EQTN: variants seen among roughly 807,000 people sequenced by gnomAD.
EQTN encodes the protein Acrosome formation associated factor.
EQTN carries 29 observed loss-of-function variants against 26.9 expected under a neutral mutation model. The observed-to-expected ratio is 1.08, with a 90% CI of 0.80 to 1.47. The LOEUF (loss-of-function observed/expected upper bound fraction) is 1.47. Ranked by LOEUF, EQTN falls within the 40% of genes most tolerant of loss-of-function variation. The probability of loss-of-function intolerance (pLI) is 0.00; values close to 1 mark genes in which losing one functional copy is unlikely to be tolerated. For missense variants in EQTN, 391 were observed against 346.1 expected, an observed-to-expected ratio of 1.13 and a Z score of -1.03; for synonymous variants, 129 against 120.0, an observed-to-expected ratio of 1.07 and a Z score of -0.49.
In EQTN at chr9:27,289,703, A is replaced by G. The variant is rs367578113; in HGVS notation, c.450T>C (p.Asp150=). The change falls in exon 6 of 8, where the codon GAT becomes GAC. Residue 150 remains aspartate, a synonymous_variant. Transcript: ENST00000380032. ...KAINGTAVVM[D]DKDQLFHPIP... ...TTGGGTGAAATAATTGATCTTTATC[A>G]TCCATGACCACTGCTGTTCCATTTA... is the stretch of plus-strand genomic sequence containing the variant. 2.5e-6 allele frequency: 4 copies of G among 1,608,084 alleles called. No homozygotes were observed. Among genetic ancestry groups the G allele is most frequent in the Non-Finnish European group, 3.4e-6 (4 of 1,177,066 alleles).
Position 27,296,965 on chromosome 9 carries a change from T to C in EQTN, c.76+15A>G. On this transcript the variant is annotated intron_variant, in intron 1 of 7. Transcript: ENST00000380032. ...TTACCTACTATTTTTATAAAAGTTTTAAATGCTCTCTCACCTTCAATAGTA... is the reference window on the plus strand; with the variant it reads ...TTACCTACTATTTTTATAAAAGTTTCAAATGCTCTCTCACCTTCAATAGTA... 1 of 1,608,320 alleles carries C rather than the reference T, an allele frequency of 6.2e-7. No individual in the cohort carries two copies. The highest frequency in any genetic ancestry group is 1.3e-5 in the African/African-American group (1 of 74,530).
chr9:27,295,757 G>T (rs369640330), intron 2 of EQTN, among the ~76,000 whole-genome samples: 1 of 150,552 alleles, frequency 6.6e-6, no homozygotes, highest in Non-Finnish European at 1.5e-5. Flanking sequence ...GTGTGAACCC[G>T]GGAGGCGGAA....
Position 27,286,262 on chromosome 9 carries a change from A to G in EQTN, c.582T>C (p.Phe194=), listed in dbSNP as rs1820119760. ...LGISLMTLLL[F]VVLLAFCSAT... ...CACTACAGAATGCCAAGAGGACCACAAAGAGGAGGAGGGTCATCAACGAGA... is the reference window on the plus strand; with the variant it reads ...CACTACAGAATGCCAAGAGGACCACGAAGAGGAGGAGGGTCATCAACGAGA... The change falls in exon 7 of 8, where the codon TTT becomes TTC. Residue 194 remains phenylalanine (F), a synonymous_variant. Coordinates refer to ENST00000380032, the MANE Select transcript of EQTN (RefSeq NM_020641.3). 1 of 1,613,794 alleles carries G rather than the reference A, an allele frequency of 6.2e-7. No individual in the cohort carries two copies. Among genetic ancestry groups the G allele is most frequent in the Non-Finnish European group, 8.5e-7 (1 of 1,179,966 alleles).
intron 2 of EQTN, among the ~76,000 whole-genome samples, chr9:27,294,926 A>G (rs1047179020): frequency 1.3e-5 from 2 of 152,190 alleles, no homozygotes; most frequent in African/African-American, 4.8e-5. Context: ...TTCAAAACTA[A>G]TGTATATATT....
chr9:27,285,023 T>C (rs1563830034), intron 7 of EQTN, 51 bp from the exon 8 acceptor site: 1 of 1,523,432 alleles, frequency 6.6e-7, no homozygotes, highest in Non-Finnish European at 8.9e-7. Context: ...TGTGTACATT[T>C]GTAACTCAGC....
Position 27,285,160 on chromosome 9 carries a change from T to G in EQTN, c.636-188A>C, listed in dbSNP as rs1489234736. Among the ~76,000 whole-genome samples, 3 of 105,178 alleles carry G rather than the reference T, an allele frequency of 2.9e-5. 1 individual carries two copies. Among genetic ancestry groups the G allele is most frequent in the Non-Finnish European group, 5.6e-5 (3 of 53,566 alleles). The allele number at this position is 105,178 out of a possible 152,430, so 69.0% of individuals were successfully genotyped here. On this transcript the variant is annotated intron_variant, in intron 7 of 7. Transcript: ENST00000380032. Reference sequence around the variant, plus strand: ...TTTTTTTTTTTTTTTTTTTTTTTTTTTTGAGACAGAATCTCACTCTATCTC... The same window carrying G: ...TTTTTTTTTTTTTTTTTTTTTTTTTGTTGAGACAGAATCTCACTCTATCTC...
At chr9:27,287,567 C>A (rs1376828697) in intron 6 of EQTN, among the ~76,000 whole-genome samples, 1 of 152,166 alleles carries the variant, frequency 6.6e-6, no homozygotes, top group African/African-American at 2.4e-5. Context: ...GTTTTCTCAA[C>A]TGTAAAATGA....
At chr9:27,292,839 T>C (rs1820265399) in intron 3 of EQTN, among the ~76,000 whole-genome samples, 1 of 152,310 alleles carries the variant, frequency 6.6e-6, no homozygotes. Context: ...AATGATCCTC[T>C]TTGTCCAGAG....
chr9:27,286,408 T>C, intron 6 of EQTN, 46 bp from the exon 7 acceptor site: 6 of 1,538,872 alleles, frequency 3.9e-6, no homozygotes, highest in Non-Finnish European at 5.3e-6. Flanking sequence ...TTCAGTGTGT[T>C]CTCCTGAAGG....
chr9:27,285,293 G>A (rs778815296), intron 7 of EQTN, among the ~76,000 whole-genome samples: 11 of 151,844 alleles, frequency 7.2e-5, no homozygotes, highest in South Asian at 2.1e-4. Flanking sequence ...ACAGGCATGC[G>A]CCACTATGCC....
At chr9:27,295,652 T>C (rs1404516110) in intron 2 of EQTN, among the ~76,000 whole-genome samples, 2 of 151,626 alleles carry the variant, frequency 1.3e-5, no homozygotes, top group Non-Finnish European at 1.5e-5. Flanking sequence ...GCTAACACTG[T>C]GAAACCCGTC....
At position 27,296,780 on chromosome 9, in the gene EQTN, A is replaced by T. The variant is rs372206977; in HGVS notation, c.77-42T>A. On this transcript the variant is annotated intron_variant, in intron 1 of 7. Transcript: ENST00000380032. ...CACACCATAGATCAGAAATATGTTG[A>T]TTTCTTTTACTGCTTTCTTTTTCTA... 4.0e-5 allele frequency: 63 copies of T among 1,584,604 alleles called. 1 individual carries two copies. The highest frequency in any genetic ancestry group is 5.4e-5 in the Non-Finnish European group (63 of 1,173,032).
chr9:27,286,119 C>A, intron 7 of EQTN, 90 bp downstream of exon 7: 1 of 1,287,682 alleles, frequency 7.8e-7, no homozygotes, highest in Non-Finnish European at 1.1e-6. Context: ...ATTCAGAGGT[C>A]ACATATTCCT....
intron 7 of EQTN, 61 bp from the exon 8 acceptor site, chr9:27,285,033 C>T (rs1320407441): frequency 2.7e-6 from 4 of 1,458,192 alleles, no homozygotes; most frequent in Non-Finnish European, 3.7e-6. Context: ...TGTAACTCAG[C>T]TTAGAAAAGC....
Sources: allele counts gnomAD v4.1 joint callset (sites outside exome capture counted in the v4.1 genomes callset), GRCh38; gene constraint gnomAD v4.1.1; transcripts MANE v1.5; gene names NCBI Gene and HGNC (gene_info 2026-07-23, HGNC 2026-07-21).